The following CDK2AP2 variants were observed in gnomAD, a reference collection of about 807,000 sequenced individuals.
The protein encoded by CDK2AP2 is cyclin dependent kinase 2 associated protein 2, also known as cyclin-dependent kinase 2-associated protein 2.
CDK2AP2 carries 1 observed loss-of-function variant against 13.0 expected under a neutral mutation model. The observed-to-expected ratio is 0.08, with a 90% CI of 0.03 to 0.37. CDK2AP2 has a LOEUF of 0.37. Ranked by LOEUF, CDK2AP2 falls within the 10% of genes least tolerant of loss-of-function variation. The pLI is 0.99. For synonymous variants in CDK2AP2, 76 were observed against 73.0 expected (o/e 1.04, Z -0.21); for missense variants, 129 against 175.8 (o/e 0.73, Z 1.50).
At chr11:67,507,165 A>C in intron 3 of CDK2AP2, 153 bp from the exon 4 acceptor site, 1 of 805,300 alleles carries the variant, frequency 1.2e-6, no homozygotes, top group Non-Finnish European at 2.0e-6. Flanking sequence ...GTTAATCCTC[A>C]AGGTTGCCCT....
chr11:67,506,901 C>A lies in CDK2AP2; in HGVS notation c.*44G>T. ...AGGCCAGGGAGAAGCGGGTGCTCTG[C>A]AGTGGCCGGATAGGTCCAGACGCTG... On this transcript the variant is annotated 3_prime_UTR_variant, in exon 4 of 4. Transcript: ENST00000301488. 6.7e-7 allele frequency: 1 copy of A among 1,486,666 alleles called. No homozygotes were observed. The highest frequency in any genetic ancestry group is 9.2e-7 in the Non-Finnish European group (1 of 1,088,650). 92.1% of individuals were successfully genotyped at this position (1,486,666 alleles called of 1,614,324 possible). A position where few individuals can be genotyped will look rare whatever the true frequency, so the allele number is the denominator to read the frequency against.
chr11:67,506,924 C>T lies in CDK2AP2; in HGVS notation c.*21G>A. ...TGCAGTGGCCGGATAGGTCCAGACGCTGAGGCCGAGGCGCTTCCTGTTACG... is the reference window on the plus strand; with the variant it reads ...TGCAGTGGCCGGATAGGTCCAGACGTTGAGGCCGAGGCGCTTCCTGTTACG... On this transcript the variant is annotated 3_prime_UTR_variant, in exon 4 of 4. Coordinates refer to ENST00000301488, the MANE Select transcript of CDK2AP2 (RefSeq NM_005851.5). 1 of 1,550,060 alleles carries T rather than the reference C, an allele frequency of 6.5e-7. No individual in the cohort carries two copies. Among genetic ancestry groups the T allele is most frequent in the South Asian group, 1.2e-5 (1 of 84,050 alleles).
chr11:67,508,150 C>G lies in CDK2AP2; in HGVS notation c.-68G>C. On this transcript the variant is annotated 5_prime_UTR_variant, in exon 1 of 4. Coordinates refer to ENST00000301488, the MANE Select transcript of CDK2AP2 (RefSeq NM_005851.5). ...GGGGGTTGGCTGCGGGGCCGCTCAG[C>G]CGCGCTCTGATTGGCAAGCGGGCTG... The G allele has an allele frequency of 7.0e-7, 1 of 1,424,270 alleles. No homozygotes were observed. The allele number at this position is 1,424,270 out of a possible 1,614,324, so 88.2% of individuals were successfully genotyped here. A position where few individuals can be genotyped will look rare whatever the true frequency, so the allele number is the denominator to read the frequency against.
In CDK2AP2 at chr11:67,506,842, G is replaced by T; in HGVS notation, c.*103C>A. The T allele has an allele frequency of 1.0e-6, 1 of 989,522 alleles. No individual in the cohort carries two copies. The allele number at this position is 989,522 out of a possible 1,614,324, so 61.3% of individuals were successfully genotyped here. On this transcript the variant is annotated 3_prime_UTR_variant, in exon 4 of 4. Transcript: ENST00000301488. ...GGGACCCACCAAGGGACACAGGACA[G>T]GAAGCCCAGGATGGTTAGTGCAACT...
chr11:67,507,543 GA>G, intron 2 of CDK2AP2, 46 bp from the exon 3 acceptor site: 1 of 1,613,692 alleles, frequency 6.2e-7, no homozygotes, highest in Non-Finnish European at 8.5e-7. Flanking sequence ...ACCTGGCGGG[GA>G]GGGGGACTCC....
At position 67,506,737 on chromosome 11, in the gene CDK2AP2, G is replaced by A. The variant is rs1866533648; in HGVS notation, c.*208C>T. 1 of 576,692 alleles carries A rather than the reference G, an allele frequency of 1.7e-6. No homozygotes were observed. Among genetic ancestry groups the A allele is most frequent in the African/African-American group, 1.9e-5 (1 of 52,214 alleles). 35.7% of individuals were successfully genotyped at this position (576,692 alleles called of 1,614,324 possible). On this transcript the variant is annotated 3_prime_UTR_variant, in exon 4 of 4. Coordinates refer to ENST00000301488, the MANE Select transcript of CDK2AP2 (RefSeq NM_005851.5). ...TCGGCAGGTCATGGGTGGGACTCAT[G>A]GGGACCTCGCTGCTAACTCTTGTTG...
At chr11:67,507,144 T>C (rs1591072658) in intron 3 of CDK2AP2, 132 bp from the exon 4 acceptor site, 1 of 830,328 alleles carries the variant, frequency 1.2e-6, no homozygotes, top group East Asian at 2.7e-5. Flanking sequence ...CTAGATGAAA[T>C]TAGAGGTTTG....
chr11:67,507,780 C>T (rs897771836), intron 1 of CDK2AP2, 91 bp from the exon 2 acceptor site: 4 of 1,556,516 alleles, frequency 2.6e-6, no homozygotes, highest in Non-Finnish European at 3.5e-6. Context: ...CGCCCGATTC[C>T]CTCCAAAGGA....
chr11:67,508,109 C>T lies in CDK2AP2; in HGVS notation c.-27G>A. The T allele has an allele frequency of 6.9e-7, 1 of 1,451,214 alleles. No homozygotes were observed. The highest frequency in any genetic ancestry group is 9.1e-7 in the Non-Finnish European group (1 of 1,103,658). 89.9% of individuals were successfully genotyped at this position (1,451,214 alleles called of 1,614,324 possible). On this transcript the variant is annotated 5_prime_UTR_variant, in exon 1 of 4. Coordinates refer to ENST00000301488, the MANE Select transcript of CDK2AP2 (RefSeq NM_005851.5). ...CCCAACTCCTGGGCGCGGCGGACGC[C>T]AGCCGGCCGCTCCTCGGGGGTTGGC...
rs1866526493 is a variant in CDK2AP2, at chr11:67,506,558, C to T, written c.*387G>A. The T allele has an allele frequency of 7.1e-6, 2 of 281,218 alleles. No homozygotes were observed. Among genetic ancestry groups the T allele is most frequent in the Admixed American group, 9.5e-5 (2 of 21,096 alleles). The allele number at this position is 281,218 out of a possible 1,614,324, so 17.4% of individuals were successfully genotyped here. Reference sequence around the variant, plus strand: ...AAAAGGGCATATTTAGCAAAAGACACACAGATAAAAGAGTCACTATGGCTC... The same window carrying T: ...AAAAGGGCATATTTAGCAAAAGACATACAGATAAAAGAGTCACTATGGCTC... On this transcript the variant is annotated 3_prime_UTR_variant, in exon 4 of 4. Transcript: ENST00000301488.
rs755423555 is a variant in CDK2AP2, at chr11:67,508,013, G to C, written c.70C>G (p.Pro24Ala). 1.9e-6 allele frequency: 3 copies of C among 1,543,802 alleles called. No homozygotes were observed. ...GCTGGATCCTCACCTGTAGGGACCG[G>C]GGTGCCCGGCCCAGGGGTGCTGGAG... ...PGSSTPGPGTPVPTGSVPSPS... is the reference protein window; with the variant it reads ...PGSSTPGPGTAVPTGSVPSPS... The change falls in exon 1 of 4, where the codon CCG (proline) becomes GCG (alanine). Residue 24 changes from proline to alanine, a missense_variant. Around this residue, in one of 2 missense-constraint regions of CDK2AP2, gnomAD observed 98 missense variants for 99.7 expected, o/e 0.98. Transcript: ENST00000301488.
intron 1 of CDK2AP2, 21 bp from the exon 2 acceptor site, chr11:67,507,710 A>T (rs747642241): frequency 4.3e-6 from 7 of 1,611,988 alleles, no homozygotes; most frequent in Non-Finnish European, 5.1e-6. Flanking sequence ...AGGCGCGAGT[A>T]AGAGGTCAGC....
chr11:67,508,075 T>C lies in CDK2AP2; in HGVS notation c.8A>G (p.Tyr3Cys). 1 of 1,488,982 alleles carries C rather than the reference T, an allele frequency of 6.7e-7. No individual in the cohort carries two copies. Among genetic ancestry groups the C allele is most frequent in the Non-Finnish European group, 8.9e-7 (1 of 1,120,420 alleles). 92.2% of individuals were successfully genotyped at this position (1,488,982 alleles called of 1,614,324 possible). A position where few individuals can be genotyped will look rare whatever the true frequency, so the allele number is the denominator to read the frequency against. Residue 3 changes from tyrosine to cysteine, a missense_variant, in exon 1 of 4, where the codon TAC (tyrosine) becomes TGC (cysteine). By Grantham distance (194) the Tyr-to-Cys change is radical. This residue lies in a region of CDK2AP2 where 98 missense variants were observed against 99.7 expected (regional missense o/e 0.98). Transcript: ENST00000301488. The stretch of plus-strand genomic sequence containing the variant: ...GCTGGGAGCAGGGGCGATGGGTTTG[T>C]AGGACATCCCCAACTCCTGGGCGCG... MSYKPIAPAPSST... is the reference protein window; with the variant it reads MSCKPIAPAPSST...
Position 67,508,124 on chromosome 11 carries a change from C to CG in CDK2AP2, c.-43dup, listed in dbSNP as rs765859666. On this transcript the variant is annotated 5_prime_UTR_variant, in exon 1 of 4. Coordinates refer to ENST00000301488, the MANE Select transcript of CDK2AP2 (RefSeq NM_005851.5). Reference sequence around the variant, plus strand: ...CGGCGGACGCCAGCCGGCCGCTCCTCGGGGGTTGGCTGCGGGGCCGCTCAG... The same window carrying CG: ...CGGCGGACGCCAGCCGGCCGCTCCTCGGGGGGTTGGCTGCGGGGCCGCTCAG... 1.4e-6 allele frequency: 2 copies of CG among 1,441,650 alleles called. No homozygotes were observed. Among genetic ancestry groups the CG allele is most frequent in the Non-Finnish European group, 1.8e-6 (2 of 1,100,054 alleles). The allele number at this position is 1,441,650 out of a possible 1,614,324, so 89.3% of individuals were successfully genotyped here.
At position 67,506,847 on chromosome 11, in the gene CDK2AP2, C is replaced by T. The variant is rs1866536869; in HGVS notation, c.*98G>A. ...CCACCAAGGGACACAGGACAGGAAG[C>T]CCAGGATGGTTAGTGCAACTCGGGA... On this transcript the variant is annotated 3_prime_UTR_variant, in exon 4 of 4. Coordinates refer to ENST00000301488, the MANE Select transcript of CDK2AP2 (RefSeq NM_005851.5). 1 of 1,037,204 alleles carries T rather than the reference C, an allele frequency of 9.6e-7. No homozygotes were observed. The highest frequency in any genetic ancestry group is 1.4e-5 in the South Asian group (1 of 71,838). 64.3% of individuals were successfully genotyped at this position (1,037,204 alleles called of 1,614,324 possible).
intron 3 of CDK2AP2, 173 bp downstream of exon 3, chr11:67,507,192 C>G: frequency 1.2e-6 from 1 of 847,260 alleles, no homozygotes; most frequent in South Asian, 1.7e-5. Flanking sequence ...ATACAAATTC[C>G]CATGCTCTTC....
At chr11:67,507,822 C>G in intron 1 of CDK2AP2, 133 bp from the exon 2 acceptor site, 4 of 1,536,662 alleles carry the variant, frequency 2.6e-6, no homozygotes, top group Non-Finnish European at 8.7e-7. Flanking sequence ...ACTTCAGGGA[C>G]AAATCCCTCC....
In CDK2AP2 at chr11:67,506,816, G is replaced by A; in HGVS notation, c.*129C>T. ...GGAGGGCCACTCCTTGGTTCCTGGA[G>A]GGGACCCACCAAGGGACACAGGACA... On this transcript the variant is annotated 3_prime_UTR_variant, in exon 4 of 4. Transcript: ENST00000301488. The A allele has an allele frequency of 1.3e-6, 1 of 742,592 alleles. No individual in the cohort carries two copies. The highest frequency in any genetic ancestry group is 2.3e-6 in the Non-Finnish European group (1 of 444,236). The allele number at this position is 742,592 out of a possible 1,614,324, so 46.0% of individuals were successfully genotyped here.
chr11:67,507,702 G>C lies in CDK2AP2; in HGVS notation c.83-13C>G. ...GACGGGACGCTTCCTGCAGCAACAG[G>C]CGCGAGTAAGAGGTCAGCGCGGGGC... On this transcript the variant is annotated splice_polypyrimidine_tract_variant and intron_variant, in intron 1 of 3. Transcript: ENST00000301488. The C allele has an allele frequency of 6.2e-7, 1 of 1,612,500 alleles. No individual in the cohort carries two copies. The highest frequency in any genetic ancestry group is 8.5e-7 in the Non-Finnish European group (1 of 1,179,772).
Sources: allele counts gnomAD v4.1 joint callset, GRCh38; gene constraint gnomAD v4.1.1; regional missense constraint gnomAD v4.1.1; transcripts MANE v1.5; gene names NCBI Gene and HGNC (gene_info 2026-07-23, HGNC 2026-07-21).